Variants in GALP observed in about 807,000 individuals in gnomAD.
GALP encodes the protein galanin like peptide.
In GALP, 12 loss-of-function variants were observed where a neutral mutation model predicts 15.2. The ratio of observed to expected loss-of-function variants is 0.79; its 90% CI spans 0.51 to 1.28. The LOEUF (loss-of-function observed/expected upper bound fraction) is 1.28, where lower values mean the gene tolerates loss of function less well. Among genes scored for constraint, GALP ranks in the 50% most tolerant of loss-of-function variants. GALP has a pLI of 0.00. For missense variants in GALP, 161 were observed against 145.6 expected (o/e 1.11, Z -0.55); for synonymous variants, 58 against 55.1 (o/e 1.05, Z -0.23).
chr19:56,183,067 T>C, intron 4 of GALP, 68 bp from the exon 5 acceptor site: 2 of 1,097,956 alleles, frequency 1.8e-6, no homozygotes, highest in Non-Finnish European at 2.8e-6. Flanking sequence ...TGTGTCTGTG[T>C]GTTCTCATCG....
Position 56,177,066 on chromosome 19 carries a change from G to T in GALP, c.-39-4G>T. 1 of 1,478,292 alleles carries T rather than the reference G, an allele frequency of 6.8e-7. No individual in the cohort carries two copies. The allele number at this position is 1,478,292 out of a possible 1,614,324, so 91.6% of individuals were successfully genotyped here. A position where few individuals can be genotyped will look rare whatever the true frequency, so the allele number is the denominator to read the frequency against. Reference sequence around the variant, plus strand: ...GAAAATGACTGGCCGCTCTCTCCTTGCAGCGTGTTCCGCAGCTGTAGGCAC... The same window carrying T: ...GAAAATGACTGGCCGCTCTCTCCTTTCAGCGTGTTCCGCAGCTGTAGGCAC... On this transcript the variant is annotated splice_region_variant and splice_polypyrimidine_tract_variant and intron_variant, in intron 1 of 5. Transcript: ENST00000357330.
chr19:56,185,016 A>C (rs1174454192), intron 5 of GALP, among the ~76,000 whole-genome samples, 199 bp from the exon 6 acceptor site: 1 of 151,966 alleles, frequency 6.6e-6, no homozygotes, highest in Non-Finnish European at 1.5e-5. Context: ...AGTAGAGAGA[A>C]GGGGCCAGGC....
chr19:56,179,314 T>TTC lies in GALP; in HGVS notation c.88-1271_88-1270insCT, dbSNP rs927438633. ...GGGCCTCAAGAGCCTCTTTCTTTCT[T>TTC]TTTTTTTTTTTGAGACGGAATTTCG... On this transcript the variant is annotated intron_variant, in intron 2 of 5. Coordinates refer to ENST00000357330, the MANE Select transcript of GALP (RefSeq NM_033106.4). Among the ~76,000 whole-genome samples the TTC allele has an allele frequency of 5.4e-5, 8 of 148,776 alleles. No homozygotes were observed. In the South Asian group the frequency reaches 8.4e-4, roughly 16 times the overall value.
intron 2 of GALP, among the ~76,000 whole-genome samples, chr19:56,178,424 G>C (rs8104504): frequency 0.37 from 56,397 of 150,654 alleles, 11,486 homozygotes; most frequent in African/African-American, 0.54. Context: ...GATGGTGCCA[G>C]TGCACTCCAG....
chr19:56,180,907 CTTTCTTTCTTTTTTTTTT>C (rs2032554513), intron 3 of GALP, among the ~76,000 whole-genome samples: 1 of 83,692 alleles, frequency 1.2e-5, no homozygotes, highest in Admixed American at 1.5e-4. Flanking sequence ...TTCTTTCTTT[CTTTCTTTCTTTTTTTTTT>C]TTTTTTTTTT....
intron 4 of GALP, 30 bp from the exon 5 acceptor site, chr19:56,183,103 CGT>C (rs781021584): frequency 1.4e-6 from 2 of 1,469,752 alleles, no homozygotes; most frequent in South Asian, 2.3e-5. Flanking sequence ...TAACTACGAA[CGT>C]GTGTGTGAAT....
At chr19:56,177,608 G>C (rs1214138638) in intron 2 of GALP, among the ~76,000 whole-genome samples, 2 of 152,086 alleles carry the variant, frequency 1.3e-5, no homozygotes, top group East Asian at 3.9e-4. Context: ...CACCCGCCTT[G>C]GCCTCCCAAA....
chr19:56,181,616 C>G (rs549784568), intron 3 of GALP, among the ~76,000 whole-genome samples: 1 of 151,914 alleles, frequency 6.6e-6, no homozygotes, highest in South Asian at 2.1e-4. Flanking sequence ...CCATGTTGGT[C>G]AGACTGGTCT....
At chr19:56,181,488 T>C (rs898117506) in intron 3 of GALP, among the ~76,000 whole-genome samples, 4 of 132,706 alleles carry the variant, frequency 3.0e-5, no homozygotes, top group African/African-American at 1.1e-4. Context: ...CACAGCAACC[T>C]CTGCTTCCCG....
intron 1 of GALP, among the ~76,000 whole-genome samples, chr19:56,176,400 C>T (rs112283163): frequency 1.3e-5 from 1 of 77,160 alleles, no homozygotes; most frequent in Non-Finnish European, 2.4e-5. Context: ...GGGCGGATCC[C>T]AGCTGCACCG....
At chr19:56,178,442 G>A (rs1020077052) in intron 2 of GALP, among the ~76,000 whole-genome samples, 4 of 146,672 alleles carry the variant, frequency 2.7e-5, no homozygotes, top group African/African-American at 5.1e-5. Context: ...CAGCCTGGGC[G>A]AAAGAGCAAT....
rs34929275 is a variant in GALP at position 56,176,387 on chromosome 19, G to C, written c.-40+325G>C. Among the ~76,000 whole-genome samples, 381 of 66,604 alleles carry C rather than the reference G, an allele frequency of 5.7e-3. 4 individuals carry two copies. The highest frequency in any genetic ancestry group is 0.022 in the Middle Eastern group (2 of 90). The allele number at this position is 66,604 out of a possible 152,430, so 43.7% of individuals were successfully genotyped here. A position where few individuals can be genotyped will look rare whatever the true frequency, so the allele number is the denominator to read the frequency against. Reference sequence around the variant, plus strand: ...GGTGAGAGCCTAGGCCAGGAGGGCAGAGGGGCGGATCCCAGCTGCACCGGG... The same window carrying C: ...GGTGAGAGCCTAGGCCAGGAGGGCACAGGGGCGGATCCCAGCTGCACCGGG... On this transcript the variant is annotated intron_variant, in intron 1 of 5. Coordinates refer to ENST00000357330, the MANE Select transcript of GALP (RefSeq NM_033106.4).
rs1293844264 is a variant in GALP at position 56,177,148 on chromosome 19, C to G, written c.40C>G (p.Leu14Val). 2.7e-5 allele frequency: 43 copies of G among 1,613,642 alleles called. No homozygotes were observed. The highest frequency in any genetic ancestry group is 3.6e-5 in the Non-Finnish European group (43 of 1,179,946). ...PSVPLVLLLV[L>V]LLSLAETPAS... is the part of the protein sequence containing the mutation. The stretch of plus-strand genomic sequence containing the variant: ...CGTCCCCCTGGTCCTCCTCCTCGTC[C>G]TCTTGCTGAGCCTGGCAGAGACTCC... Residue 14 changes from leucine (L) to valine (V), a missense_variant, in exon 2 of 6, where the codon CTC (leucine) becomes GTC (valine). Physicochemically the swap from Leu to Val is conservative, Grantham distance 32. Coordinates refer to ENST00000357330, the MANE Select transcript of GALP (RefSeq NM_033106.4).
intron 3 of GALP, among the ~76,000 whole-genome samples, chr19:56,181,719 T>C (rs1016658736): frequency 6.6e-6 from 1 of 152,158 alleles, no homozygotes; most frequent in African/African-American, 2.4e-5. Flanking sequence ...CTTTTTTCTC[T>C]TTTCCTCCAT....
intron 5 of GALP, among the ~76,000 whole-genome samples, chr19:56,184,485 T>TTTC: frequency 5.8e-5 from 1 of 17,326 alleles, no homozygotes; most frequent in East Asian, 6.9e-4. Context: ...TTTCTTTTTC[T>TTTC]TTTTTTTTTT....
chr19:56,180,678 G>T (rs2122165474), intron 3 of GALP, 44 bp downstream of exon 3: 1 of 1,550,698 alleles, frequency 6.4e-7, no homozygotes, highest in Admixed American at 1.7e-5. Context: ...GCCCGAGTCT[G>T]CCTGGTTGCT....
chr19:56,178,251 C>G (rs2032499392), intron 2 of GALP, among the ~76,000 whole-genome samples: 3 of 151,424 alleles, frequency 2.0e-5, no homozygotes, highest in Non-Finnish European at 4.4e-5. Flanking sequence ...ATTGCTTGAG[C>G]TCAGGAGTTC....
chr19:56,177,336 G>A, intron 2 of GALP, 141 bp downstream of exon 2: 5 of 709,040 alleles, frequency 7.1e-6, no homozygotes, highest in East Asian at 2.7e-5. Context: ...AAGAAATATT[G>A]CGTGTCTCTA....
intron 2 of GALP, 76 bp downstream of exon 2, chr19:56,177,271 C>T (rs1193601963): frequency 2.4e-6 from 3 of 1,243,386 alleles, no homozygotes; most frequent in East Asian, 2.4e-5. Context: ...TTTAAAAATG[C>T]TTCTGGCTTG....
Sources: gnomAD v4.1 joint callset for allele counts (sites outside exome capture counted in the v4.1 genomes callset) on GRCh38, gnomAD v4.1.1 for gene constraint, MANE v1.5 for transcripts, NCBI Gene and HGNC (gene_info 2026-07-23, HGNC 2026-07-21) for gene names.